The following RELN variants were observed in gnomAD, a reference collection of about 807,000 sequenced individuals.
RELN encodes reelin.
A neutral mutation model predicts 427.6 loss-of-function variants in RELN; 108 were observed. That is an observed-to-expected ratio of 0.25 (90% CI 0.22 to 0.30). The LOEUF is 0.30. Ranked by LOEUF, RELN falls within the 10% of genes least tolerant of loss-of-function variation. The pLI is 1.00. For synonymous variants in RELN, 1,524 were observed against 1,513.4 expected, an observed-to-expected ratio of 1.01 and a Z score of -0.16; for missense variants, 3,715 against 4,302.8, an observed-to-expected ratio of 0.86 and a Z score of 3.82.
Position 103,846,816 on chromosome 7 carries a change from A to T in RELN, c.338-13144T>A, listed in dbSNP as rs149625407. Among the ~76,000 whole-genome samples the T allele has an allele frequency of 5.2e-3, 790 of 152,346 alleles. 6 individuals carry two copies. The highest frequency in any genetic ancestry group is 0.018 in the African/African-American group (742 of 41,576). The stretch of plus-strand genomic sequence containing the variant: ...ATTCATGTGGTCAACAAATATAAAT[A>T]AAAAAGCTCATCATCACTGGTCATT... On this transcript the variant is annotated intron_variant, in intron 2 of 64. Coordinates refer to ENST00000428762, the MANE Select transcript of RELN (RefSeq NM_005045.4).
At chr7:103,598,802 GA>G (rs1831598951) in intron 24 of RELN, among the ~76,000 whole-genome samples, 1 of 152,192 alleles carries the variant, frequency 6.6e-6, no homozygotes, top group Admixed American at 6.5e-5. Context: ...GAAGAAAAAA[GA>G]AAAGGGAAAT....
chr7:103,773,271 GTC>G (rs1216349622), intron 4 of RELN, among the ~76,000 whole-genome samples: 3 of 27,052 alleles, frequency 1.1e-4, no homozygotes, highest in African/African-American at 1.6e-4. Flanking sequence ...CTCTCTCCCT[GTC>G]TCTCTCTCTC....
intron 3 of RELN, among the ~76,000 whole-genome samples, chr7:103,814,080 G>A (rs918348072): frequency 1.3e-5 from 2 of 152,220 alleles, no homozygotes; most frequent in South Asian, 4.1e-4. Context: ...GGCCTGAATT[G>A]ACTCAGGATA....
intron 16 of RELN, among the ~76,000 whole-genome samples, chr7:103,644,403 A>T (rs768152410): frequency 3.7e-4 from 55 of 149,626 alleles, no homozygotes; most frequent in Non-Finnish European, 7.1e-4. Flanking sequence ...AGATATAAGT[A>T]TGTCTTTTTT....
chr7:103,499,322 TG>T (rs1828944215), intron 53 of RELN, among the ~76,000 whole-genome samples: 1 of 152,218 alleles, frequency 6.6e-6, no homozygotes, highest in Non-Finnish European at 1.5e-5. Context: ...TAAAGGTTCT[TG>T]GCTACATTTT....
rs746721889 is a variant in RELN, at chr7:103,933,495, A to AAGGG, written c.227-16314_227-16311dup. ...GTATCACTTGAGCCCAGGAGAAAGG[A>AAGGG]AGGGAGGGAGGGAGGGAGGGAGGGG... is the stretch of plus-strand genomic sequence containing the variant. On this transcript the variant is annotated intron_variant, in intron 1 of 64. Coordinates refer to ENST00000428762, the MANE Select transcript of RELN (RefSeq NM_005045.4). Among the ~76,000 whole-genome samples, 853 of 121,014 alleles carry AAGGG rather than the reference A, an allele frequency of 7.0e-3. 23 individuals carry two copies. The highest frequency in any genetic ancestry group is 0.025 in the African/African-American group (770 of 31,374). The allele number at this position is 121,014 out of a possible 152,430, so 79.4% of individuals were successfully genotyped here. A position where few individuals can be genotyped will look rare whatever the true frequency, so the allele number is the denominator to read the frequency against.
intron 20 of RELN, among the ~76,000 whole-genome samples, chr7:103,612,008 T>C (rs1312347018): frequency 6.6e-6 from 1 of 152,166 alleles, no homozygotes; most frequent in East Asian, 1.9e-4. Flanking sequence ...AAAGTTAACA[T>C]CTACAGTTGT....
Position 103,636,387 on chromosome 7 carries a change from A to G in RELN, c.2151T>C (p.Ser717=). The G allele has an allele frequency of 6.2e-7, 1 of 1,614,028 alleles. No individual in the cohort carries two copies. The highest frequency in any genetic ancestry group is 8.5e-7 in the Non-Finnish European group (1 of 1,179,958). ...FPMFISESFG[S]SRLSSYHNFY... ...AGTTATGGTAAGAGGAGAGCCTGGA[A>G]CTGCCAAAGCTTTCAGAAATAAACA... is the stretch of plus-strand genomic sequence containing the variant. The change falls in exon 18 of 65, where the codon AGT becomes AGC. Residue 717 remains serine (S), a synonymous_variant. Coordinates refer to ENST00000428762, the MANE Select transcript of RELN (RefSeq NM_005045.4).
In RELN at chr7:103,835,434, A is replaced by C. The variant is rs936205449; in HGVS notation, c.338-1762T>G. ...CACACCAAGAGTGAACCCTACTGTTAACTATGGACTTTGAGCAGTAATGAT... is the reference window on the plus strand; with the variant it reads ...CACACCAAGAGTGAACCCTACTGTTCACTATGGACTTTGAGCAGTAATGAT... On this transcript the variant is annotated intron_variant, in intron 2 of 64. Transcript: ENST00000428762. 2.6e-5 allele frequency among the ~76,000 whole-genome samples: 4 copies of C among 152,264 alleles called. No individual in the cohort carries two copies. In the East Asian group the frequency reaches 7.7e-4, roughly 29 times the overall value.
At chr7:103,666,541 C>T (rs191091238) in intron 11 of RELN, among the ~76,000 whole-genome samples, 27 of 152,120 alleles carry the variant, frequency 1.8e-4, no homozygotes, top group Admixed American at 1.2e-3. Flanking sequence ...GATGACTGTC[C>T]TTTTTGGTGA....
intron 1 of RELN, among the ~76,000 whole-genome samples, chr7:103,979,184 G>A (rs543719694): frequency 3.3e-5 from 5 of 152,256 alleles, no homozygotes; most frequent in East Asian, 1.9e-4. Flanking sequence ...ATCTCTCCTC[G>A]GCCCTTTTAT....
intron 3 of RELN, among the ~76,000 whole-genome samples, chr7:103,779,530 G>A (rs571348045): frequency 6.6e-6 from 1 of 151,916 alleles, no homozygotes; most frequent in Non-Finnish European, 1.5e-5. Context: ...ATTTTTCCTC[G>A]GACACAGAGC....
rs1562862389 is a variant in RELN, at chr7:103,510,838, C to A, written c.8274+13G>T. The A allele has an allele frequency of 6.2e-7, 1 of 1,602,044 alleles. No homozygotes were observed. Among genetic ancestry groups the A allele is most frequent in the Non-Finnish European group, 8.6e-7 (1 of 1,169,302 alleles). On this transcript the variant is annotated intron_variant, in intron 51 of 64. Coordinates refer to ENST00000428762, the MANE Select transcript of RELN (RefSeq NM_005045.4). ...GTATGGTTGTTTATATAATCAAGAT[C>A]ATAACATTTCACCTTGAATTGCATA...
At chr7:103,599,864 G>A (rs1240258919) in intron 24 of RELN, among the ~76,000 whole-genome samples, 8 of 152,006 alleles carry the variant, frequency 5.3e-5, no homozygotes, top group Admixed American at 4.6e-4. Context: ...ATTTGTGATC[G>A]GATAGGGAAA....
chr7:103,917,457 T>C (rs748884922), intron 1 of RELN, among the ~76,000 whole-genome samples: 2 of 152,030 alleles, frequency 1.3e-5, no homozygotes, highest in Non-Finnish European at 2.9e-5. Flanking sequence ...CATCTGAAAA[T>C]AATGTAATAT....
intron 61 of RELN, among the ~76,000 whole-genome samples, chr7:103,485,093 T>G (rs977802516): frequency 6.6e-6 from 1 of 152,080 alleles, no homozygotes; most frequent in African/African-American, 2.4e-5. Flanking sequence ...GAGCTAGACT[T>G]AGAAACGTAT....
intron 15 of RELN, 54 bp from the exon 16 acceptor site, chr7:103,650,437 A>C (rs1188959916): frequency 1.5e-5 from 16 of 1,100,336 alleles, no homozygotes; most frequent in Admixed American, 6.8e-5. Flanking sequence ...TATCTTTAGA[A>C]TCTATTTTAC....
intron 6 of RELN, among the ~76,000 whole-genome samples, chr7:103,747,675 A>T (rs1790880620): frequency 6.9e-6 from 1 of 145,582 alleles, no homozygotes; most frequent in Non-Finnish European, 1.5e-5. Flanking sequence ...AATCTTAAAG[A>T]GGCTAAATGA....
At chr7:103,784,939 T>C (rs1173838789) in intron 3 of RELN, among the ~76,000 whole-genome samples, 2 of 152,182 alleles carry the variant, frequency 1.3e-5, no homozygotes, top group Non-Finnish European at 2.9e-5. Context: ...TGATACAGAA[T>C]GTTAAATGCT....
Sources: gnomAD v4.1 joint callset for allele counts (sites outside exome capture counted in the v4.1 genomes callset) on GRCh38, gnomAD v4.1.1 for gene constraint, MANE v1.5 for transcripts, NCBI Gene and HGNC (gene_info 2026-07-23, HGNC 2026-07-21) for gene names.